The following FHIT variants were observed in gnomAD, a reference collection of about 807,000 sequenced individuals.
FHIT encodes the protein bis(5'-adenosyl)-triphosphatase.
In FHIT, 19 loss-of-function variants were observed where a neutral mutation model predicts 17.9. That is an observed-to-expected ratio of 1.06 (90% CI 0.74 to 1.56). The LOEUF is 1.56. Ranked by LOEUF, FHIT falls within the 40% of genes most tolerant of loss-of-function variation. The probability of loss-of-function intolerance (pLI) is 0.00; values close to 1 mark genes in which losing one functional copy is unlikely to be tolerated. For synonymous variants in FHIT, 81 were observed against 69.7 expected, an observed-to-expected ratio of 1.16 and a Z score of -0.81; for missense variants, 248 against 189.2, an observed-to-expected ratio of 1.31 and a Z score of -1.82.
chr3:60,822,420 G>A (rs1319195612), intron 3 of FHIT, among the ~76,000 whole-genome samples: 1 of 152,104 alleles, frequency 6.6e-6, no homozygotes, highest in Non-Finnish European at 1.5e-5. Context: ...GTTTTCTGGT[G>A]GTCTATGCCA....
intron 2 of FHIT, among the ~76,000 whole-genome samples, chr3:61,098,959 G>A (rs1035812634): frequency 6.6e-6 from 1 of 152,178 alleles, no homozygotes; most frequent in African/African-American, 2.4e-5. Context: ...ACACTATGTT[G>A]AATGGATGTG....
At chr3:60,566,655 G>A (rs1202209544) in intron 4 of FHIT, among the ~76,000 whole-genome samples, 2 of 152,116 alleles carry the variant, frequency 1.3e-5, no homozygotes, top group Non-Finnish European at 2.9e-5. Context: ...GTTAAGAAAA[G>A]AGGAAGTCAA....
At chr3:60,363,272 C>CGT (rs1421513540) in intron 5 of FHIT, among the ~76,000 whole-genome samples, 4 of 152,048 alleles carry the variant, frequency 2.6e-5, no homozygotes, top group South Asian at 2.1e-4. Context: ...CTCCAAGTGA[C>CGT]GTGTGTGTGT....
At chr3:60,978,785 T>C in intron 3 of FHIT, among the ~76,000 whole-genome samples, 1 of 152,208 alleles carries the variant, frequency 6.6e-6, no homozygotes, top group East Asian at 1.9e-4. Context: ...CCGTTCTATC[T>C]ACAGGTAATA....
At chr3:60,281,685 A>C (rs112292368) in intron 5 of FHIT, among the ~76,000 whole-genome samples, 2 of 152,044 alleles carry the variant, frequency 1.3e-5, no homozygotes, top group African/African-American at 4.8e-5. Flanking sequence ...CTCAAAACGC[A>C]TCACAGAACT....
At chr3:59,905,885 A>T (rs531987214) in intron 8 of FHIT, among the ~76,000 whole-genome samples, 1 of 151,126 alleles carries the variant, frequency 6.6e-6, no homozygotes, top group Non-Finnish European at 1.5e-5. Context: ...AATGCATTGG[A>T]AATTAAGTCA....
At chr3:60,064,155 T>C (rs2106938560) in intron 5 of FHIT, among the ~76,000 whole-genome samples, 1 of 152,322 alleles carries the variant, frequency 6.6e-6, no homozygotes, top group Non-Finnish European at 1.5e-5. Context: ...CTCTTATACC[T>C]TTCCTTCCTG....
chr3:60,596,619 A>T (rs1422734879), intron 4 of FHIT, among the ~76,000 whole-genome samples: 13 of 152,230 alleles, frequency 8.5e-5, no homozygotes, highest in African/African-American at 3.1e-4. Flanking sequence ...TAGTAAAGGA[A>T]TCTGCACCCC....
intron 4 of FHIT, among the ~76,000 whole-genome samples, chr3:60,752,194 G>A (rs2042481183): frequency 6.6e-6 from 1 of 152,004 alleles, no homozygotes. Context: ...TCAGTAATCA[G>A]GAAATAAAAG....
At chr3:60,050,812 T>C (rs559335273) in intron 5 of FHIT, among the ~76,000 whole-genome samples, 30 of 152,076 alleles carry the variant, frequency 2.0e-4, no homozygotes, top group Admixed American at 3.3e-4. Flanking sequence ...GAGCTGGGAG[T>C]GCTCAATAAA....
intron 8 of FHIT, among the ~76,000 whole-genome samples, chr3:59,790,901 C>T (rs1390949358): frequency 6.6e-6 from 1 of 151,938 alleles, no homozygotes; most frequent in Non-Finnish European, 1.5e-5. Flanking sequence ...GAGGTCATTC[C>T]TATTGGAGCA....
At chr3:59,808,478 T>C (rs1277022823) in intron 8 of FHIT, among the ~76,000 whole-genome samples, 1 of 152,182 alleles carries the variant, frequency 6.6e-6, no homozygotes, top group African/African-American at 2.4e-5. Flanking sequence ...GACCAGTCTC[T>C]ACCCTACGGT....
intron 5 of FHIT, among the ~76,000 whole-genome samples, chr3:60,104,254 A>T (rs1021560691): frequency 4.6e-5 from 7 of 152,226 alleles, no homozygotes; most frequent in Non-Finnish European, 1.0e-4. Context: ...CTCCTTGTCA[A>T]CACATCATCA....
At chr3:61,219,593 T>C (rs568674126) in intron 1 of FHIT, among the ~76,000 whole-genome samples, 2 of 152,308 alleles carry the variant, frequency 1.3e-5, no homozygotes, top group Non-Finnish European at 2.9e-5. Context: ...GCCTAATTCG[T>C]CCATATTTTG....
At chr3:59,876,057 A>T (rs1703144947) in intron 8 of FHIT, among the ~76,000 whole-genome samples, 1 of 152,150 alleles carries the variant, frequency 6.6e-6, no homozygotes, top group South Asian at 2.1e-4. Context: ...ATCATCACTC[A>T]AATATACATA....
At chr3:59,933,721 T>A (rs78810151) in intron 7 of FHIT, among the ~76,000 whole-genome samples, 2,329 of 152,286 alleles carry the variant, frequency 0.015, 62 homozygotes, top group African/African-American at 0.052. Context: ...ACAAACAGCA[T>A]CTTCTTTCAC....
At chr3:60,606,392 T>C (rs1237303239) in intron 4 of FHIT, among the ~76,000 whole-genome samples, 2 of 151,754 alleles carry the variant, frequency 1.3e-5, no homozygotes, top group Non-Finnish European at 2.9e-5. Flanking sequence ...AGATGCCCAC[T>C]GCCATGCCCA....
At chr3:60,303,976 A>C (rs1336124831) in intron 5 of FHIT, among the ~76,000 whole-genome samples, 1 of 152,134 alleles carries the variant, frequency 6.6e-6, no homozygotes, top group East Asian at 1.9e-4. Context: ...CCCTCCAATG[A>C]GATGGGAATT....
intron 5 of FHIT, among the ~76,000 whole-genome samples, chr3:60,313,651 A>C (rs926722028): frequency 1.3e-5 from 2 of 152,196 alleles, no homozygotes; most frequent in Non-Finnish European, 2.9e-5. Context: ...GACAAATGAT[A>C]GCTGAGTCTT....
Sources: allele counts gnomAD v4.1 joint callset (sites outside exome capture counted in the v4.1 genomes callset), GRCh38; gene constraint gnomAD v4.1.1; transcripts MANE v1.5; gene names NCBI Gene and HGNC (gene_info 2026-07-23, HGNC 2026-07-21).